The following NEDD9 variants were observed in gnomAD, a reference collection of about 807,000 sequenced individuals.
NEDD9 encodes neural precursor cell expressed, developmentally down-regulated 9, also known as enhancer of filamentation 1.
A neutral mutation model predicts 76.6 loss-of-function variants in NEDD9; 26 were observed. That is an observed-to-expected ratio of 0.34 (90% confidence interval 0.25 to 0.47). The LOEUF is 0.47. NEDD9 is among the 20% of genes least tolerant of loss of function. The pLI is 1.00. For synonymous variants in NEDD9, 392 were observed against 414.2 expected (o/e 0.95, Z 0.65); for missense variants, 937 against 1,058.5 (o/e 0.89, Z 1.59).
upstream of NEDD9, among the ~76,000 whole-genome samples, chr6:11,236,119 C>T (rs770182605): frequency 1.3e-5 from 2 of 152,184 alleles, no homozygotes; most frequent in Non-Finnish European, 2.9e-5. The surrounding 1 kb of genome is among the most constrained non-coding windows in gnomAD (Gnocchi z 5.5). Context: ...TTCCCTTCCT[C>T]ATTTATTACT....
chr6:11,337,457 C>A (rs995240538), intron 1 of NEDD9, among the ~76,000 whole-genome samples: 1 of 152,160 alleles, frequency 6.6e-6, no homozygotes, highest in South Asian at 2.1e-4. Flanking sequence ...ACACCAGCAT[C>A]ACCACAAACA....
chr6:11,380,490 G>A (rs1355861616), intron 1 of NEDD9, among the ~76,000 whole-genome samples: 4 of 152,202 alleles, frequency 2.6e-5, no homozygotes, highest in East Asian at 3.8e-4. Flanking sequence ...CTGCCCTTTG[G>A]GCAATTACAG....
At chr6:11,364,324 G>T (rs904890811) in intron 1 of NEDD9, among the ~76,000 whole-genome samples, 2 of 152,152 alleles carry the variant, frequency 1.3e-5, no homozygotes, top group East Asian at 3.9e-4. Context: ...TTCTTCTGTT[G>T]CTTTCCCCTT....
chr6:11,377,464 T>G (rs73722937), intron 1 of NEDD9, among the ~76,000 whole-genome samples: 2,562 of 152,354 alleles, frequency 0.017, 25 homozygotes, highest in Middle Eastern at 0.044. Context: ...AGATTGTATT[T>G]TGGACCTTTA....
At chr6:11,361,280 A>T (rs1038136583) in intron 1 of NEDD9, among the ~76,000 whole-genome samples, 3 of 152,180 alleles carry the variant, frequency 2.0e-5, no homozygotes, top group Admixed American at 2.0e-4. Context: ...GCATTCTTGC[A>T]CTGCTATAAG....
chr6:11,207,853 T>G (rs1255045408), intron 2 of NEDD9, among the ~76,000 whole-genome samples: 1 of 152,130 alleles, frequency 6.6e-6, no homozygotes, highest in Non-Finnish European at 1.5e-5. Context: ...AGGTAAATCA[T>G]AACATATGCA....
At chr6:11,260,422 T>G in intron 3 of NEDD9, among the ~76,000 whole-genome samples, 1 of 152,216 alleles carries the variant, frequency 6.6e-6, no homozygotes, top group African/African-American at 2.4e-5. Flanking sequence ...GGAAAATTAA[T>G]CATTCTGAGT....
At chr6:11,236,756 G>A (rs1375078782), upstream of NEDD9, among the ~76,000 whole-genome samples, 3 of 152,092 alleles carry the variant, frequency 2.0e-5, no homozygotes, top group Non-Finnish European at 2.9e-5. This position sits in a 1 kb window ranked among gnomAD's most constrained non-coding sequence, Gnocchi z 5.5. Context: ...TATCTTCCAC[G>A]TTGCTCACTA....
chr6:11,210,731 G>C (rs1163727970), intron 2 of NEDD9, among the ~76,000 whole-genome samples: 1 of 149,906 alleles, frequency 6.7e-6, no homozygotes, highest in Non-Finnish European at 1.5e-5. Context: ...AAGGAAGGGA[G>C]GAAGGGAGGG....
rs191713750 is a variant in NEDD9 at position 11,197,422 on chromosome 6, G to A, written c.460-3730C>T. 3.6e-4 allele frequency among the ~76,000 whole-genome samples: 55 copies of A among 152,176 alleles called. No individual in the cohort carries two copies. The East Asian group carries it at 5.2e-3, about 14-fold the overall frequency. On this transcript the variant is annotated intron_variant, in intron 2 of 6. Coordinates refer to ENST00000379446, the MANE Select transcript of NEDD9 (RefSeq NM_006403.4). The stretch of plus-strand genomic sequence containing the variant: ...ATCCAATGCTACTGCAACTGCTTTC[G>A]TGATTACCCGGCACAGGATTTGCAC...
chr6:11,237,160 C>T (rs1451545783), upstream of NEDD9, among the ~76,000 whole-genome samples: 2 of 152,164 alleles, frequency 1.3e-5, no homozygotes, highest in Non-Finnish European at 2.9e-5. The surrounding 1 kb of genome is among the most constrained non-coding windows in gnomAD (Gnocchi z 4.9). Context: ...CACTATGCCC[C>T]CATTGTACTG....
At position 11,192,387 on chromosome 6, in the gene NEDD9, C is replaced by G. The variant is rs1012291339; in HGVS notation, c.621G>C (p.Glu207Asp). Residue 207 changes from glutamate (E) to aspartate (D), a missense_variant, in exon 4 of 7, where the codon GAG becomes GAC. By Grantham distance (45) the Glu-to-Asp change is conservative (BLOSUM62 2). Coordinates refer to ENST00000379446, the MANE Select transcript of NEDD9 (RefSeq NM_006403.4). ...KGPVFSVPVGEIKPQGVYDIP... is the reference protein window; with the variant it reads ...KGPVFSVPVGDIKPQGVYDIP... Reference sequence around the variant, plus strand: ...TGTCATACACCCCTTGAGGTTTTATCTCTCCCACTGGAACTGAAAACACAG... The same window carrying G: ...TGTCATACACCCCTTGAGGTTTTATGTCTCCCACTGGAACTGAAAACACAG... The G allele has an allele frequency of 1.2e-6, 2 of 1,606,362 alleles. No homozygotes were observed. The highest frequency in any genetic ancestry group is 2.7e-5 in the African/African-American group (2 of 74,230).
At chr6:11,227,508 G>T (rs1022961085) in intron 1 of NEDD9, among the ~76,000 whole-genome samples, 2 of 152,170 alleles carry the variant, frequency 1.3e-5, no homozygotes, top group African/African-American at 4.8e-5. Context: ...AAGCCATAAG[G>T]AACAGAAATG....
chr6:11,210,187 CAAT>C (rs1391236257), intron 2 of NEDD9, among the ~76,000 whole-genome samples: 1 of 152,018 alleles, frequency 6.6e-6, no homozygotes, highest in Non-Finnish European at 1.5e-5. Context: ...GCAAGGAGCT[CAAT>C]AAGATGCAGA....
intron 3 of NEDD9, among the ~76,000 whole-genome samples, chr6:11,261,699 G>A (rs75809914): frequency 0.053 from 8,065 of 152,202 alleles, 220 homozygotes; most frequent in Middle Eastern, 0.13. Flanking sequence ...AGATTATATG[G>A]ATGCGGATCA....
At chr6:11,321,392 A>T (rs1242490001) in intron 2 of NEDD9, among the ~76,000 whole-genome samples, 2 of 152,242 alleles carry the variant, frequency 1.3e-5, no homozygotes, top group Admixed American at 6.5e-5. Flanking sequence ...TGTGCGTTAC[A>T]TCACAGAAAG....
In NEDD9 at chr6:11,305,980, A is replaced by G. The variant is rs769582941; in HGVS notation, c.12+12T>C. The G allele has an allele frequency of 2.5e-6, 4 of 1,613,884 alleles. No homozygotes were observed. The Admixed American group carries it at 5.0e-5, about 20-fold the overall frequency. Reference sequence around the variant, plus strand: ...AATCACAAATTGTCTGTTTTTTTCTATCAGTACTCACCCTTGTCCACATTT... The same window carrying G: ...AATCACAAATTGTCTGTTTTTTTCTGTCAGTACTCACCCTTGTCCACATTT... On this transcript the variant is annotated intron_variant, in intron 3 of 3. Coordinates refer to the NEDD9 transcript ENST00000397378.
At chr6:11,212,353 G>A (rs1207227779) in intron 2 of NEDD9, among the ~76,000 whole-genome samples, 3 of 152,162 alleles carry the variant, frequency 2.0e-5, no homozygotes, top group Admixed American at 1.3e-4. Context: ...TGTTACCCCC[G>A]ATCAGTCCAC....
intron 3 of NEDD9, among the ~76,000 whole-genome samples, chr6:11,299,542 A>G (rs981690478): frequency 6.6e-6 from 1 of 152,190 alleles, no homozygotes; most frequent in African/African-American, 2.4e-5. Context: ...GAACGGACAG[A>G]CTGCCTCCTC....
Sources: allele counts gnomAD v4.1 joint callset (sites outside exome capture counted in the v4.1 genomes callset), GRCh38; gene constraint gnomAD v4.1.1; non-coding constraint Gnocchi (gnomAD v3.1); transcripts MANE v1.5; gene names NCBI Gene and HGNC (gene_info 2026-07-23, HGNC 2026-07-21).